Variants in LMBR1 observed in about 807,000 individuals in gnomAD.
LMBR1 encodes limb region 1 protein homolog.
Under a neutral mutation model 73.9 loss-of-function variants are expected in LMBR1, and 52 were observed. The ratio of observed to expected loss-of-function variants is 0.70; its 90% CI spans 0.56 to 0.89. The LOEUF is 0.89. Ranked by LOEUF, LMBR1 falls within the 40% of genes least tolerant of loss-of-function variation. The pLI is 0.00. For synonymous variants in LMBR1, 215 were observed against 209.4 expected (o/e 1.03, Z -0.23); for missense variants, 539 against 579.8 (o/e 0.93, Z 0.72).
chr7:156,672,759 G>T (rs866766783), intron 4 of LMBR1, among the ~76,000 whole-genome samples: 1 of 152,226 alleles, frequency 6.6e-6, no homozygotes, highest in Admixed American at 6.5e-5. Context: ...CACTTACTCT[G>T]TTCCTCTCTC....
chr7:156,701,550 A>T (rs1263673109), intron 15 of LMBR1, among the ~76,000 whole-genome samples: 1 of 152,236 alleles, frequency 6.6e-6, no homozygotes, highest in Non-Finnish European at 1.5e-5. Flanking sequence ...AATCCAGAAC[A>T]CTGACACCAT....
intron 1 of LMBR1, among the ~76,000 whole-genome samples, chr7:156,848,832 C>T (rs940400485): frequency 6.7e-6 from 1 of 149,170 alleles, no homozygotes; most frequent in African/African-American, 2.5e-5. Flanking sequence ...TAGGGAAGCT[C>T]AAGTACAAGA....
In LMBR1 at chr7:156,734,169, T is replaced by C. The variant is rs1817411791; in HGVS notation, c.838+8A>G. ...AATACACAAGTCAAGAAAAAAAAAG[T>C]ACAATACCTAATTTTGTCTTAAGAG... On this transcript the variant is annotated splice_region_variant and intron_variant, in intron 10 of 16. Transcript: ENST00000353442. 6.4e-7 allele frequency: 1 copy of C among 1,573,802 alleles called. No homozygotes were observed. Among genetic ancestry groups the C allele is most frequent in the Non-Finnish European group, 8.7e-7 (1 of 1,154,110 alleles).
At chr7:156,675,346 G>A (rs533963516), downstream of LMBR1, among the ~76,000 whole-genome samples, 12 of 152,288 alleles carry the variant, frequency 7.9e-5, no homozygotes, top group African/African-American at 2.2e-4. Flanking sequence ...GGAGGGTCCT[G>A]TGACCCACTT....
chr7:156,872,703 C>A (rs1448858172), intron 1 of LMBR1, among the ~76,000 whole-genome samples: 1 of 150,830 alleles, frequency 6.6e-6, no homozygotes, highest in African/African-American at 2.4e-5. Flanking sequence ...AGACCTGTAT[C>A]CTGAAAACCA....
intron 1 of LMBR1, among the ~76,000 whole-genome samples, chr7:156,856,215 CAGAT>C (rs1476385460): frequency 1.3e-5 from 2 of 151,642 alleles, no homozygotes; most frequent in East Asian, 1.9e-4. Flanking sequence ...TAAATATAGA[CAGAT>C]AGGTAGATAG....
chr7:156,815,696 T>G (rs561433179), intron 4 of LMBR1, among the ~76,000 whole-genome samples: 2 of 152,264 alleles, frequency 1.3e-5, no homozygotes, highest in African/African-American at 4.8e-5. Flanking sequence ...TTTCTCTGAG[T>G]GCACAGTTTA....
At chr7:156,760,177 T>C (rs77246691) in intron 8 of LMBR1, among the ~76,000 whole-genome samples, 1 of 152,100 alleles carries the variant, frequency 6.6e-6, no homozygotes, top group African/African-American at 2.4e-5. Context: ...AGTTAAACTT[T>C]AAAATGGAGA....
intron 15 of LMBR1, among the ~76,000 whole-genome samples, chr7:156,711,177 G>A (rs1812010873): frequency 6.6e-6 from 1 of 152,104 alleles, no homozygotes; most frequent in South Asian, 2.1e-4. Context: ...GTGTGTGGTG[G>A]CGCACACCTG....
Position 156,775,878 on chromosome 7 carries a change from C to T in LMBR1, c.424-12083G>A, listed in dbSNP as rs548123303. Among the ~76,000 whole-genome samples the T allele has an allele frequency of 2.9e-3, 441 of 151,890 alleles. 5 individuals are homozygous for T. Among genetic ancestry groups the T allele is most frequent in the Non-Finnish European group, 5.5e-3 (375 of 67,962 alleles). On this transcript the variant is annotated intron_variant, in intron 5 of 16. Transcript: ENST00000353442. ...GACATACTAGGCTGGTTAAGAGCCCCAATGCCAGAAGTAAATTGCTTGGGT... is the reference window on the plus strand; with the variant it reads ...GACATACTAGGCTGGTTAAGAGCCCTAATGCCAGAAGTAAATTGCTTGGGT...
intron 15 of LMBR1, among the ~76,000 whole-genome samples, chr7:156,695,752 A>G (rs7783089): frequency 0.019 from 2,943 of 152,286 alleles, 109 homozygotes; most frequent in African/African-American, 0.067. Flanking sequence ...ACATGCACAC[A>G]AAACAATTTT....
chr7:156,694,106 A>T (rs1807792701), intron 15 of LMBR1, among the ~76,000 whole-genome samples: 1 of 152,236 alleles, frequency 6.6e-6, no homozygotes, highest in South Asian at 2.1e-4. Context: ...ATATACTTTC[A>T]TGATAAAAAC....
intron 9 of LMBR1, among the ~76,000 whole-genome samples, chr7:156,753,456 C>T (rs541198043): frequency 2.0e-5 from 3 of 152,118 alleles, no homozygotes; most frequent in South Asian, 2.1e-4. Flanking sequence ...ATCACATGAG[C>T]GGGTGGCAGG....
intron 9 of LMBR1, among the ~76,000 whole-genome samples, chr7:156,750,053 A>C (rs970112589): frequency 6.6e-6 from 1 of 152,208 alleles, no homozygotes; most frequent in Non-Finnish European, 1.5e-5. Context: ...GAAGATGAAA[A>C]TCGTATCTAA....
At chr7:156,795,739 G>A (rs1380663142) in intron 5 of LMBR1, among the ~76,000 whole-genome samples, 1 of 152,072 alleles carries the variant, frequency 6.6e-6, no homozygotes. Flanking sequence ...TTTTAGTACA[G>A]ACAGGGTCTC....
At position 156,795,201 on chromosome 7, in the gene LMBR1, T is replaced by C. The variant is rs574431429; in HGVS notation, c.423+1188A>G. On this transcript the variant is annotated intron_variant, in intron 5 of 16. Coordinates refer to ENST00000353442, the MANE Select transcript of LMBR1 (RefSeq NM_022458.4). ...CTTCAAGTCCCAGCCCAAGTCCAGA[T>C]TGACTTCCCCTGTGAAGCCTGCTCA... Among the ~76,000 whole-genome samples, 6 of 152,310 alleles carry C rather than the reference T, an allele frequency of 3.9e-5. No homozygotes were observed. In the South Asian group the frequency reaches 1.0e-3, roughly 26 times the overall value.
intron 5 of LMBR1, among the ~76,000 whole-genome samples, chr7:156,765,456 T>C (rs575969175): frequency 6.6e-6 from 1 of 152,342 alleles, no homozygotes; most frequent in South Asian, 2.1e-4. Flanking sequence ...CATGTGGAAC[T>C]GAGAGTGAAT....
rs1367378512 is a variant in LMBR1, at chr7:156,683,180, C to T, written c.*898G>A. Reference sequence around the variant, plus strand: ...AGAAAGAGGAGTTTCTACCACTCGGCATTTATAGTTTTTATATGCATTGCA... The same window carrying T: ...AGAAAGAGGAGTTTCTACCACTCGGTATTTATAGTTTTTATATGCATTGCA... On this transcript the variant is annotated 3_prime_UTR_variant, in exon 17 of 17. Transcript: ENST00000353442. 2 of 152,128 alleles carry T rather than the reference C, an allele frequency of 1.3e-5. No individual in the cohort carries two copies. The highest frequency in any genetic ancestry group is 4.8e-5 in the African/African-American group (2 of 41,438). The allele number at this position is 152,128 out of a possible 1,614,324, so 9.4% of individuals were successfully genotyped here.
intron 7 of LMBR1, among the ~76,000 whole-genome samples, 164 bp from the exon 8 acceptor site, chr7:156,762,362 C>T (rs1156586602): frequency 6.6e-6 from 1 of 152,116 alleles, no homozygotes; most frequent in Admixed American, 6.5e-5. Flanking sequence ...AACTCTTCAC[C>T]ATCATCAATA....
Sources: gnomAD v4.1 joint callset for allele counts (sites outside exome capture counted in the v4.1 genomes callset) on GRCh38, gnomAD v4.1.1 for gene constraint, MANE v1.5 for transcripts, NCBI Gene and HGNC (gene_info 2026-07-23, HGNC 2026-07-21) for gene names.